The following ZSWIM5 variants were observed in gnomAD, a reference collection of about 807,000 sequenced individuals.
ZSWIM5 encodes the protein zinc finger SWIM domain-containing protein 5.
A neutral mutation model predicts 119.6 loss-of-function variants in ZSWIM5; 55 were observed. The ratio of observed to expected loss-of-function variants is 0.46; its 90% CI spans 0.37 to 0.58. The LOEUF (loss-of-function observed/expected upper bound fraction) is 0.58. ZSWIM5 is among the 20% of genes least tolerant of loss of function. ZSWIM5 has a pLI of 0.00. For missense variants in ZSWIM5, 1,193 were observed against 1,512.8 expected (o/e 0.79, Z 3.51); for synonymous variants, 537 against 606.9 (o/e 0.88, Z 1.69).
At position 45,019,299 on chromosome 1, in the gene ZSWIM5, T is replaced by C; in HGVS notation, c.2713A>G (p.Ser905Gly). Reference protein sequence around the residue: ...ATEVGVRALVSILQSWYTLFT... With the variant: ...ATEVGVRALVGILQSWYTLFT... ...AGTGTGTACCAGCTCTGCAAGATGC[T>C]CACCAGGGCCCGCACACCTGTCAGG... Residue 905 changes from serine (S) to glycine (G), a missense_variant, in exon 14 of 14, where the codon AGC (serine) becomes GGC (glycine). This residue lies in a region of ZSWIM5 where 961 missense variants were observed against 1,290.0 expected (regional missense o/e 0.74). Transcript: ENST00000359600. The surrounding 1 kb of genome is among the most constrained non-coding windows in gnomAD (Gnocchi z 5.0). 6.2e-7 allele frequency: 1 copy of C among 1,611,420 alleles called. No homozygotes were observed. Among genetic ancestry groups the C allele is most frequent in the Non-Finnish European group, 8.5e-7 (1 of 1,179,540 alleles).
intron 11 of ZSWIM5, among the ~76,000 whole-genome samples, chr1:45,023,133 T>C (rs923940862): frequency 2.0e-5 from 3 of 152,244 alleles, no homozygotes; most frequent in African/African-American, 7.2e-5. Flanking sequence ...CTCTGTGTTA[T>C]ACAGTTGTAT....
At chr1:45,178,928 A>G (rs557884974) in intron 1 of ZSWIM5, among the ~76,000 whole-genome samples, 7 of 152,156 alleles carry the variant, frequency 4.6e-5, no homozygotes, top group African/African-American at 1.7e-4. Flanking sequence ...TTAAAATTAA[A>G]ATAAATAAAT....
chr1:45,161,612 G>C (rs749956425), intron 1 of ZSWIM5, among the ~76,000 whole-genome samples: 1 of 152,060 alleles, frequency 6.6e-6, no homozygotes, highest in South Asian at 2.1e-4. Context: ...TTTTTGGCTA[G>C]ATTGATTTTG....
intron 1 of ZSWIM5, among the ~76,000 whole-genome samples, chr1:45,192,990 A>G (rs539894307): frequency 6.6e-6 from 1 of 151,984 alleles, no homozygotes; most frequent in South Asian, 2.1e-4. Flanking sequence ...CCCATTTTTG[A>G]ATTAGGTTTT....
chr1:45,018,358 G>T lies in ZSWIM5; in HGVS notation c.*96C>A. ...CTTTGGCCTCATCCACAGGTGCTCAGAGTTCTCTCAGGGTGGACAAATGTT... is the reference window on the plus strand; with the variant it reads ...CTTTGGCCTCATCCACAGGTGCTCATAGTTCTCTCAGGGTGGACAAATGTT... On this transcript the variant is annotated 3_prime_UTR_variant, in exon 14 of 14. Coordinates refer to ENST00000359600, the MANE Select transcript of ZSWIM5 (RefSeq NM_020883.2). This position sits in a 1 kb window ranked among gnomAD's most constrained non-coding sequence, Gnocchi z 6.7. 1 of 1,486,094 alleles carries T rather than the reference G, an allele frequency of 6.7e-7. No homozygotes were observed. Among genetic ancestry groups the T allele is most frequent in the Non-Finnish European group, 9.1e-7 (1 of 1,100,008 alleles). The allele number at this position is 1,486,094 out of a possible 1,614,324, so 92.1% of individuals were successfully genotyped here.
At chr1:45,150,476 T>C (rs1441035236) in intron 1 of ZSWIM5, among the ~76,000 whole-genome samples, 1 of 152,156 alleles carries the variant, frequency 6.6e-6, no homozygotes, top group Non-Finnish European at 1.5e-5. Flanking sequence ...TGACCGAGCA[T>C]GCTGAGTTTG....
At chr1:45,116,948 G>A (rs2149026265) in intron 1 of ZSWIM5, among the ~76,000 whole-genome samples, 1 of 152,284 alleles carries the variant, frequency 6.6e-6, no homozygotes, top group Non-Finnish European at 1.5e-5. Context: ...ATTTAGGGTA[G>A]GCTGTTTACA....
intron 5 of ZSWIM5, 69 bp downstream of exon 5, chr1:45,051,005 G>T: frequency 6.8e-7 from 1 of 1,476,200 alleles, no homozygotes; most frequent in Non-Finnish European, 9.2e-7. Context: ...AGCTACCATT[G>T]TTCTAGGGTT....
chr1:45,187,104 T>C (rs1646063958), intron 1 of ZSWIM5, among the ~76,000 whole-genome samples: 1 of 152,098 alleles, frequency 6.6e-6, no homozygotes, highest in African/African-American at 2.4e-5. Flanking sequence ...AATAAACTGA[T>C]ACTAAAATTC....
intron 1 of ZSWIM5, among the ~76,000 whole-genome samples, chr1:45,156,632 T>A (rs1242077209): frequency 1.3e-5 from 2 of 150,178 alleles, no homozygotes; most frequent in African/African-American, 4.9e-5. Context: ...TAAAAAGATA[T>A]GTAAATGGAC....
chr1:45,164,084 C>T (rs1645883464), intron 1 of ZSWIM5, among the ~76,000 whole-genome samples: 1 of 152,162 alleles, frequency 6.6e-6, no homozygotes, highest in Non-Finnish European at 1.5e-5. Context: ...GGTTGGGTTA[C>T]CCATAAAGGG....
intron 10 of ZSWIM5, among the ~76,000 whole-genome samples, chr1:45,035,410 G>C (rs1198267202): frequency 1.3e-5 from 2 of 152,104 alleles, no homozygotes; most frequent in Non-Finnish European, 2.9e-5. Context: ...CACTGAACAG[G>C]AAGACTCAGG....
intron 1 of ZSWIM5, among the ~76,000 whole-genome samples, chr1:45,095,925 G>A (rs952642843): frequency 6.6e-6 from 1 of 152,096 alleles, no homozygotes; most frequent in African/African-American, 2.4e-5. Context: ...TCAGTGCCTG[G>A]AACCTGGTAG....
rs759930575 is a variant in ZSWIM5, at chr1:45,018,819, C to T, written c.3193G>A (p.Val1065Met). 2 of 1,614,242 alleles carry T rather than the reference C, an allele frequency of 1.2e-6. No individual in the cohort carries two copies. Among genetic ancestry groups the T allele is most frequent in the Non-Finnish European group, 1.7e-6 (2 of 1,180,042 alleles). The change falls in exon 14 of 14, where the codon GTG becomes ATG. Residue 1065 changes from valine to methionine, a missense_variant. Transcript: ENST00000359600. This position sits in a 1 kb window ranked among gnomAD's most constrained non-coding sequence, Gnocchi z 6.7. ...ACTGTGGCACAGTGCACACTCTTCACCACCAGGGGGATGAGAGCTGCCAGC... is the reference window on the plus strand; with the variant it reads ...ACTGTGGCACAGTGCACACTCTTCATCACCAGGGGGATGAGAGCTGCCAGC... ...NELAALIPLV[V>M]KSVHCATVLS...
intron 5 of ZSWIM5, among the ~76,000 whole-genome samples, chr1:45,048,509 G>A (rs1645070850): frequency 6.6e-6 from 1 of 152,156 alleles, no homozygotes; most frequent in Non-Finnish European, 1.5e-5. Flanking sequence ...ACGTGGATGA[G>A]GAGGAAAATG....
Position 45,019,424 on chromosome 1 carries a change from C to A in ZSWIM5, c.2696-108G>T, listed in dbSNP as rs1644874346. The A allele has an allele frequency of 2.1e-6, 3 of 1,421,856 alleles. No homozygotes were observed. In the East Asian group the frequency reaches 7.0e-5, roughly 33 times the overall value. The allele number at this position is 1,421,856 out of a possible 1,614,324, so 88.1% of individuals were successfully genotyped here. On this transcript the variant is annotated intron_variant, in intron 13 of 13. Transcript: ENST00000359600. This position sits in a 1 kb window ranked among gnomAD's most constrained non-coding sequence, Gnocchi z 5.0. ...TGGCCTGCAGAGATGAATTCTTCCT[C>A]CTCAGCAACCTTGAGATGATATGAG... is the stretch of plus-strand genomic sequence containing the variant.
intron 1 of ZSWIM5, among the ~76,000 whole-genome samples, chr1:45,141,673 C>T (rs1052474889): frequency 2.6e-5 from 4 of 152,040 alleles, no homozygotes; most frequent in East Asian, 3.9e-4. Flanking sequence ...TAGACTAAAA[C>T]GATTAAAAGT....
intron 1 of ZSWIM5, among the ~76,000 whole-genome samples, chr1:45,102,042 A>T (rs1265162971): frequency 4.0e-5 from 6 of 151,862 alleles, no homozygotes; most frequent in Non-Finnish European, 7.4e-5. Context: ...AGTATAATAA[A>T]AAAAAAAAAA....
At chr1:45,123,361 C>G (rs1274425066) in intron 1 of ZSWIM5, among the ~76,000 whole-genome samples, 1 of 151,930 alleles carries the variant, frequency 6.6e-6, no homozygotes, top group Non-Finnish European at 1.5e-5. Context: ...TGAGCAATGA[C>G]AACTGTATGT....
Sources: allele counts gnomAD v4.1 joint callset (sites outside exome capture counted in the v4.1 genomes callset), GRCh38; gene constraint gnomAD v4.1.1; regional missense constraint gnomAD v4.1.1; non-coding constraint Gnocchi (gnomAD v3.1); transcripts MANE v1.5; gene names NCBI Gene and HGNC (gene_info 2026-07-23, HGNC 2026-07-21).